NKAIN3: variants seen among roughly 807,000 people sequenced by gnomAD.
NKAIN3 encodes sodium/potassium-transporting ATPase subunit beta-1-interacting protein 3.
A neutral mutation model predicts 30.2 loss-of-function variants in NKAIN3; 25 were observed. The observed-to-expected ratio is 0.83, with a 90% confidence interval of 0.60 to 1.16. The LOEUF (loss-of-function observed/expected upper bound fraction) is 1.16. Ranked by LOEUF, NKAIN3 falls within the 50% of genes most tolerant of loss-of-function variation. The pLI is 0.00. For missense variants in NKAIN3, 225 were observed against 254.1 expected, an observed-to-expected ratio of 0.89 and a Z score of 0.78; for synonymous variants, 91 against 89.6, an observed-to-expected ratio of 1.02 and a Z score of -0.09.
At chr8:62,591,603 A>C (rs1246156083) in intron 3 of NKAIN3, among the ~76,000 whole-genome samples, 1 of 151,824 alleles carries the variant, frequency 6.6e-6, no homozygotes, top group African/African-American at 2.4e-5. Flanking sequence ...TTTTTATCTC[A>C]TTTCTTTGGG....
chr8:62,445,311 G>GTT (rs1805452484), intron 1 of NKAIN3, among the ~76,000 whole-genome samples: 1 of 148,872 alleles, frequency 6.7e-6, no homozygotes, highest in Non-Finnish European at 1.5e-5. Flanking sequence ...CCATCTACGT[G>GTT]TCTTTTTTTT....
chr8:62,286,752 G>T lies in NKAIN3; in HGVS notation c.54+37625G>T, dbSNP rs1191183745. Among the ~76,000 whole-genome samples, 3 of 152,068 alleles carry T rather than the reference G, an allele frequency of 2.0e-5. No individual in the cohort carries two copies. The East Asian group carries it at 5.8e-4, about 30-fold the overall frequency. On this transcript the variant is annotated intron_variant, in intron 1 of 6. Coordinates refer to ENST00000623646, the MANE Select transcript of NKAIN3 (RefSeq NM_001304533.3). ...GGTGGGTGGCTTGGGAGCCTGACTT[G>T]TGTTCTTTGCCTGGACAGAAGCCAG...
In NKAIN3 at chr8:62,740,105, T is replaced by C. The variant is rs551914116; in HGVS notation, c.274-6827T>C. The stretch of plus-strand genomic sequence containing the variant: ...TAAACCTATCAATCACTCTATTTGC[T>C]CTTTATTATATAGATCCATAGTGCT... On this transcript the variant is annotated intron_variant, in intron 3 of 6. Coordinates refer to ENST00000623646, the MANE Select transcript of NKAIN3 (RefSeq NM_001304533.3). 1.3e-4 allele frequency among the ~76,000 whole-genome samples: 20 copies of C among 152,324 alleles called. No individual in the cohort carries two copies. In the South Asian group the frequency reaches 3.7e-3, roughly 28 times the overall value.
At chr8:62,809,268 C>T (rs751950131) in intron 4 of NKAIN3, among the ~76,000 whole-genome samples, 1 of 152,086 alleles carries the variant, frequency 6.6e-6, no homozygotes, top group Non-Finnish European at 1.5e-5. Flanking sequence ...TCACAGGGTC[C>T]TGAGGCCACA....
At position 62,633,748 on chromosome 8, in the gene NKAIN3, G is replaced by A. The variant is rs146412842; in HGVS notation, c.273+43954G>A. On this transcript the variant is annotated intron_variant, in intron 3 of 6. Coordinates refer to ENST00000623646, the MANE Select transcript of NKAIN3 (RefSeq NM_001304533.3). ...CAGCCACCTTATTGAAGGCCAACGT[G>A]TCTCACACTGGCAGAACCCCACCTG... Among the ~76,000 whole-genome samples the A allele has an allele frequency of 2.0e-5, 3 of 152,254 alleles. No individual in the cohort carries two copies. The East Asian group carries it at 5.8e-4, about 29-fold the overall frequency.
At chr8:62,307,552 A>G (rs1814289892) in intron 1 of NKAIN3, among the ~76,000 whole-genome samples, 1 of 150,586 alleles carries the variant, frequency 6.6e-6, no homozygotes, top group Admixed American at 6.6e-5. Flanking sequence ...ACAAATCTGC[A>G]GCAAGTTGAA....
At chr8:62,439,923 A>C (rs1232114623) in intron 1 of NKAIN3, among the ~76,000 whole-genome samples, 1 of 152,140 alleles carries the variant, frequency 6.6e-6, no homozygotes, top group Non-Finnish European at 1.5e-5. Flanking sequence ...GTGTTTATAG[A>C]TTTACTTTAA....
chr8:62,487,624 T>A (rs1314232687), intron 1 of NKAIN3, among the ~76,000 whole-genome samples: 1 of 152,312 alleles, frequency 6.6e-6, no homozygotes. Flanking sequence ...AAATTGTATT[T>A]TTTTCAAGTT....
intron 3 of NKAIN3, among the ~76,000 whole-genome samples, chr8:62,685,482 T>C (rs1813772044): frequency 6.6e-6 from 1 of 152,228 alleles, no homozygotes; most frequent in South Asian, 2.1e-4. Context: ...GGTTCATTCA[T>C]GTTGGAAAAG....
At chr8:62,323,205 A>G (rs1239294943) in intron 1 of NKAIN3, among the ~76,000 whole-genome samples, 1 of 152,204 alleles carries the variant, frequency 6.6e-6, no homozygotes, top group Non-Finnish European at 1.5e-5. Flanking sequence ...ATGAAAACTT[A>G]TAGTCACACA....
chr8:62,816,479 C>T (rs935291282), intron 4 of NKAIN3, among the ~76,000 whole-genome samples: 1 of 152,126 alleles, frequency 6.6e-6, no homozygotes, highest in African/African-American at 2.4e-5. Flanking sequence ...AGGGTTGGTT[C>T]TCAGGCTACT....
intron 5 of NKAIN3, among the ~76,000 whole-genome samples, chr8:62,996,879 C>T (rs892141927): frequency 7.2e-5 from 11 of 152,210 alleles, no homozygotes; most frequent in African/African-American, 2.7e-4. Flanking sequence ...GCAGCTCCTC[C>T]TCTGTAGCTC....
chr8:62,645,623 A>G (rs540601135), intron 3 of NKAIN3, among the ~76,000 whole-genome samples: 3 of 152,172 alleles, frequency 2.0e-5, no homozygotes, highest in Non-Finnish European at 2.9e-5. Context: ...AATCAAGTGT[A>G]TATGAAGTGA....
intron 1 of NKAIN3, among the ~76,000 whole-genome samples, chr8:62,284,946 A>G (rs1184188711): frequency 5.3e-5 from 8 of 152,146 alleles, no homozygotes; most frequent in Non-Finnish European, 1.2e-4. Context: ...TTGACCTTTT[A>G]GTTTTTAGAT....
intron 1 of NKAIN3, among the ~76,000 whole-genome samples, chr8:62,550,579 A>AT (rs1161699719): frequency 1.3e-5 from 2 of 152,340 alleles, no homozygotes; most frequent in African/African-American, 4.8e-5. Context: ...AACAGTGTTT[A>AT]TCCAAAAATG....
chr8:62,814,114 T>A (rs1818586522), intron 4 of NKAIN3, among the ~76,000 whole-genome samples: 1 of 152,058 alleles, frequency 6.6e-6, no homozygotes, highest in South Asian at 2.1e-4. Context: ...ATTGTGATTC[T>A]GAGAGAACTT....
At chr8:62,911,791 TAAC>T (rs1199585672) in intron 4 of NKAIN3, among the ~76,000 whole-genome samples, 5 of 152,106 alleles carry the variant, frequency 3.3e-5, no homozygotes, top group African/African-American at 1.2e-4. Flanking sequence ...GTATACAAAG[TAAC>T]AACAGAAAAT....
At chr8:62,666,230 A>C (rs181905219) in intron 3 of NKAIN3, among the ~76,000 whole-genome samples, 260 of 152,176 alleles carry the variant, frequency 1.7e-3, no homozygotes, top group East Asian at 1.4e-3. Flanking sequence ...ATAATTAATT[A>C]ATTAATTCAT....
chr8:62,759,864 C>A (rs1449282002), intron 4 of NKAIN3, among the ~76,000 whole-genome samples: 2 of 152,094 alleles, frequency 1.3e-5, no homozygotes, highest in Non-Finnish European at 2.9e-5. Flanking sequence ...TTGCAATCTA[C>A]TCATCTGACA....
Sources: allele counts gnomAD v4.1 joint callset (sites outside exome capture counted in the v4.1 genomes callset), GRCh38; gene constraint gnomAD v4.1.1; transcripts MANE v1.5; gene names NCBI Gene and HGNC (gene_info 2026-07-23, HGNC 2026-07-21).